FMN1: variants seen among roughly 807,000 people sequenced by gnomAD.
The protein encoded by FMN1 is formin-1.
Under a neutral mutation model 132.4 loss-of-function variants are expected in FMN1, and 110 were observed. The ratio of observed to expected loss-of-function variants is 0.83; its 90% CI spans 0.71 to 0.97. The LOEUF is 0.97. Ranked by LOEUF, FMN1 falls within the 50% of genes least tolerant of loss-of-function variation. The probability of loss-of-function intolerance (pLI) is 0.00; values close to 1 mark genes in which losing one functional copy is unlikely to be tolerated. For missense variants in FMN1, 1,792 were observed against 1,705.3 expected (o/e 1.05, Z -0.90); for synonymous variants, 722 against 651.7 (o/e 1.11, Z -1.64).
At chr15:33,083,264 T>C (rs1168261831) in intron 5 of FMN1, among the ~76,000 whole-genome samples, 1 of 152,226 alleles carries the variant, frequency 6.6e-6, no homozygotes, top group African/African-American at 2.4e-5. Flanking sequence ...ATATAGAAGT[T>C]GTAATATTTG....
chr15:32,828,913 A>G (rs2058436157), intron 17 of FMN1, among the ~76,000 whole-genome samples: 1 of 152,230 alleles, frequency 6.6e-6, no homozygotes, highest in Admixed American at 6.5e-5. Context: ...TAGGTAAAAT[A>G]TAATATTTCC....
chr15:33,148,005 C>T (rs1337336964), intron 4 of FMN1, among the ~76,000 whole-genome samples: 2 of 152,140 alleles, frequency 1.3e-5, no homozygotes, highest in Non-Finnish European at 2.9e-5. Context: ...TTCACTTTCT[C>T]TTTGTATGAA....
intron 4 of FMN1, among the ~76,000 whole-genome samples, chr15:33,095,990 A>T (rs555250029): frequency 9.8e-5 from 14 of 143,544 alleles, no homozygotes; most frequent in African/African-American, 3.6e-4. Context: ...ATACGTAACA[A>T]GGTAAATACC....
chr15:32,852,744 C>T (rs1341143777), intron 17 of FMN1, among the ~76,000 whole-genome samples: 1 of 152,174 alleles, frequency 6.6e-6, no homozygotes, highest in Non-Finnish European at 1.5e-5. Flanking sequence ...GATATACCCC[C>T]TGCAAAATAA....
At chr15:32,777,608 TATAAC>T (rs1337006453) in intron 19 of FMN1, among the ~76,000 whole-genome samples, 2 of 132,806 alleles carry the variant, frequency 1.5e-5, no homozygotes, top group Non-Finnish European at 3.1e-5. Context: ...ATATATTACG[TATAAC>T]ATAACACATT....
intron 5 of FMN1, among the ~76,000 whole-genome samples, chr15:33,088,140 T>C (rs1317803937): frequency 2.0e-5 from 3 of 151,984 alleles, no homozygotes; most frequent in African/African-American, 7.3e-5. Flanking sequence ...CACCAAAATC[T>C]CAGTAATCCC....
At chr15:33,115,191 A>G (rs1255937817) in intron 4 of FMN1, among the ~76,000 whole-genome samples, 1 of 152,200 alleles carries the variant, frequency 6.6e-6, no homozygotes, top group Non-Finnish European at 1.5e-5. Flanking sequence ...CTTAGAATTT[A>G]AGTGTTAAAA....
chr15:32,838,777 C>T (rs947157203), intron 17 of FMN1, among the ~76,000 whole-genome samples: 1 of 152,158 alleles, frequency 6.6e-6, no homozygotes, highest in Non-Finnish European at 1.5e-5. Context: ...TATTTTTTCT[C>T]CCAAATGAGC....
chr15:32,930,882 A>G (rs2061098992), intron 9 of FMN1, among the ~76,000 whole-genome samples: 2 of 152,182 alleles, frequency 1.3e-5, no homozygotes, highest in African/African-American at 4.8e-5. Flanking sequence ...GTTCCAAGAT[A>G]AGGGTCCAAT....
chr15:32,917,176 A>C (rs1351626123), intron 10 of FMN1, among the ~76,000 whole-genome samples: 5 of 152,192 alleles, frequency 3.3e-5, no homozygotes. Context: ...AGGGGTGTGG[A>C]GCGTGGAAGG....
chr15:32,834,693 G>A (rs761189246), intron 17 of FMN1, among the ~76,000 whole-genome samples: 4 of 152,190 alleles, frequency 2.6e-5, no homozygotes. Flanking sequence ...AGACAAGGCA[G>A]CAGCAGCAAG....
chr15:33,186,489 CAA>C (rs34557769), intron 2 of FMN1, among the ~76,000 whole-genome samples: 1 of 148,088 alleles, frequency 6.8e-6, no homozygotes, highest in African/African-American at 2.5e-5. Flanking sequence ...AAATGTTCCT[CAA>C]AAAAAAAAAT....
intron 7 of FMN1, among the ~76,000 whole-genome samples, chr15:32,996,764 A>T (rs941813910): frequency 3.2e-4 from 48 of 152,180 alleles, no homozygotes; most frequent in Admixed American, 4.6e-4. Flanking sequence ...CACACTATGA[A>T]TTCCAAAGTC....
At chr15:32,919,181 T>C (rs28393295) in intron 10 of FMN1, among the ~76,000 whole-genome samples, 6,687 of 152,270 alleles carry the variant, frequency 0.044, 206 homozygotes, top group East Asian at 0.12. Flanking sequence ...AATGAAGTTT[T>C]CTTATTCTAA....
intron 6 of FMN1, among the ~76,000 whole-genome samples, chr15:33,011,032 T>C (rs925592627): frequency 5.9e-5 from 9 of 151,988 alleles, no homozygotes; most frequent in African/African-American, 2.2e-4. Context: ...TGTTTGAATA[T>C]AAGGAGCCCA....
At chr15:33,010,555 G>A (rs904665962) in intron 6 of FMN1, among the ~76,000 whole-genome samples, 1 of 151,948 alleles carries the variant, frequency 6.6e-6, no homozygotes, top group African/African-American at 2.4e-5. Context: ...TACTATTGTT[G>A]ATATTCATCA....
chr15:32,962,577 T>G (rs1488827956), intron 9 of FMN1, among the ~76,000 whole-genome samples: 1 of 150,914 alleles, frequency 6.6e-6, no homozygotes, highest in African/African-American at 2.5e-5. Context: ...GGGAGAAAAT[T>G]TTTGCAACCT....
At chr15:33,073,727 AGCTT>A (rs201228165) in intron 5 of FMN1, among the ~76,000 whole-genome samples, 1 of 144,676 alleles carries the variant, frequency 6.9e-6, no homozygotes, top group African/African-American at 2.6e-5. Flanking sequence ...AAATTTACCT[AGCTT>A]GTTTTTTTTT....
chr15:33,011,411 T>C (rs899564620), intron 6 of FMN1, among the ~76,000 whole-genome samples: 1 of 152,192 alleles, frequency 6.6e-6, no homozygotes, highest in East Asian at 1.9e-4. Flanking sequence ...TATAATCTAT[T>C]AGAAGTCAAT....
Sources: gnomAD v4.1 joint callset for allele counts (sites outside exome capture counted in the v4.1 genomes callset) on GRCh38, gnomAD v4.1.1 for gene constraint, MANE v1.5 for transcripts, NCBI Gene and HGNC (gene_info 2026-07-23, HGNC 2026-07-21) for gene names.